FBXL7: variants seen among roughly 807,000 people sequenced by gnomAD.
FBXL7 encodes the protein F-box and leucine rich repeat protein 7.
In FBXL7, 12 loss-of-function variants were observed where a neutral mutation model predicts 38.3. The observed-to-expected ratio is 0.31, with a 90% confidence interval of 0.20 to 0.51. FBXL7 has a LOEUF of 0.51. FBXL7 is among the 20% of genes least tolerant of loss of function. FBXL7 has a pLI of 0.98. For synonymous variants in FBXL7, 297 were observed against 300.9 expected, an observed-to-expected ratio of 0.99 and a Z score of 0.13; for missense variants, 567 against 676.4, an observed-to-expected ratio of 0.84 and a Z score of 1.79.
At chr5:15,805,207 G>A (rs187489367) in intron 2 of FBXL7, among the ~76,000 whole-genome samples, 15 of 152,280 alleles carry the variant, frequency 9.9e-5, no homozygotes, top group Non-Finnish European at 2.2e-4. Flanking sequence ...ACATTCTGAG[G>A]TACTGGAAGT....
At chr5:15,798,379 T>C (rs1289461765) in intron 2 of FBXL7, among the ~76,000 whole-genome samples, 2 of 152,236 alleles carry the variant, frequency 1.3e-5, no homozygotes, top group Non-Finnish European at 2.9e-5. Context: ...GTTTCCCCTT[T>C]TCTTTGGATT....
intron 2 of FBXL7, among the ~76,000 whole-genome samples, chr5:15,813,969 A>G (rs929631070): frequency 9.7e-4 from 148 of 152,322 alleles, no homozygotes; most frequent in African/African-American, 3.3e-3. Flanking sequence ...ATGCTTTTAC[A>G]CTGTTGGTGG....
chr5:15,616,111 C>T, intron 2 of FBXL7, 39 bp downstream of exon 2: 2 of 1,422,852 alleles, frequency 1.4e-6, no homozygotes, highest in African/African-American at 1.4e-5. Flanking sequence ...TTCTTCTTCA[C>T]AGGGCTGGCT....
chr5:15,804,018 C>T (rs2126744701), intron 2 of FBXL7, among the ~76,000 whole-genome samples: 1 of 152,296 alleles, frequency 6.6e-6, no homozygotes. Flanking sequence ...CCCGACATCA[C>T]AGGATTCTTA....
chr5:15,853,758 G>A (rs1172289798), intron 2 of FBXL7, among the ~76,000 whole-genome samples: 1 of 152,156 alleles, frequency 6.6e-6, no homozygotes, highest in East Asian at 1.9e-4. Flanking sequence ...AAGGCTATGG[G>A]CAAGGGTAAG....
intron 2 of FBXL7, among the ~76,000 whole-genome samples, chr5:15,782,047 G>A (rs574104430): frequency 7.0e-4 from 106 of 152,026 alleles, no homozygotes; most frequent in African/African-American, 2.3e-3. Context: ...TGTTCTCTTT[G>A]TTAAACTCCC....
chr5:15,846,615 A>G (rs368500979), intron 2 of FBXL7, among the ~76,000 whole-genome samples: 4 of 152,340 alleles, frequency 2.6e-5, no homozygotes, highest in African/African-American at 7.2e-5. Flanking sequence ...TCTTGTTGCA[A>G]AGTCCCTAGT....
chr5:15,602,918 C>T (rs1034262966), intron 1 of FBXL7, among the ~76,000 whole-genome samples: 7 of 152,130 alleles, frequency 4.6e-5, no homozygotes, highest in Admixed American at 2.0e-4. Context: ...ACTGCAGCCT[C>T]GAACACTGGG....
rs189674539 is a variant in FBXL7, at chr5:15,760,146, A to G, written c.127+144074A>G. ...AAAGCAGGTTTGAGGCATTGCTGGG[A>G]GAAGCCTCCAGCCCCCTATTGGGGT... On this transcript the variant is annotated intron_variant, in intron 2 of 3. Coordinates refer to ENST00000504595, the MANE Select transcript of FBXL7 (RefSeq NM_012304.5). Among the ~76,000 whole-genome samples the G allele has an allele frequency of 2.3e-3, 355 of 152,202 alleles. 3 individuals carry two copies. Among genetic ancestry groups the G allele is most frequent in the African/African-American group, 8.1e-3 (338 of 41,538 alleles).
At chr5:15,666,196 T>C (rs1742270746) in intron 2 of FBXL7, among the ~76,000 whole-genome samples, 1 of 152,176 alleles carries the variant, frequency 6.6e-6, no homozygotes, top group East Asian at 1.9e-4. Context: ...TTATTATTAT[T>C]TTTGGTTGTA....
At chr5:15,838,287 T>G (rs1738643605) in intron 2 of FBXL7, among the ~76,000 whole-genome samples, 1 of 152,168 alleles carries the variant, frequency 6.6e-6, no homozygotes, top group African/African-American at 2.4e-5. Flanking sequence ...AACCCTAGAT[T>G]GAAGCGTTGG....
intron 2 of FBXL7, among the ~76,000 whole-genome samples, chr5:15,878,595 A>G (rs1239202987): frequency 1.3e-5 from 2 of 152,222 alleles, no homozygotes; most frequent in South Asian, 2.1e-4. Flanking sequence ...ATGTTTGGAC[A>G]CATGTATTTC....
At chr5:15,631,336 TGAAATGA>T (rs1287160970) in intron 2 of FBXL7, among the ~76,000 whole-genome samples, 3 of 152,322 alleles carry the variant, frequency 2.0e-5, no homozygotes, top group African/African-American at 7.2e-5. Flanking sequence ...AGGATAGTTT[TGAAATGA>T]GAAATGAGAG....
chr5:15,751,926 A>G (rs1736165294), intron 2 of FBXL7, among the ~76,000 whole-genome samples: 1 of 152,224 alleles, frequency 6.6e-6, no homozygotes, highest in South Asian at 2.1e-4. Context: ...GTCAGTATGA[A>G]TAAGGGAGAC....
At chr5:15,780,288 T>C (rs1736959934) in intron 2 of FBXL7, among the ~76,000 whole-genome samples, 1 of 152,106 alleles carries the variant, frequency 6.6e-6, no homozygotes, top group Non-Finnish European at 1.5e-5. Flanking sequence ...GAAACCATAT[T>C]TGTGTTACTG....
intron 1 of FBXL7, among the ~76,000 whole-genome samples, chr5:15,546,657 T>C (rs1398668565): frequency 6.6e-6 from 1 of 152,058 alleles, no homozygotes; most frequent in South Asian, 2.1e-4. Flanking sequence ...CTTGAACCTA[T>C]GAGGTGGAAG....
intron 1 of FBXL7, among the ~76,000 whole-genome samples, chr5:15,586,131 C>T (rs1739294555): frequency 6.6e-6 from 1 of 152,122 alleles, no homozygotes; most frequent in Non-Finnish European, 1.5e-5. Flanking sequence ...GTTTGCTCTA[C>T]ACAGAATCTG....
Position 15,500,581 on chromosome 5 carries a change from C to T in FBXL7, c.-96C>T, listed in dbSNP as rs1580339235. On this transcript the variant is annotated 5_prime_UTR_variant, in exon 1 of 4. In the 5' UTR this introduces an upstream ATG that the reference lacks. Transcript: ENST00000504595. ...GAGCTTGGGGGGGATGTGCAGCTAA[C>T]GGTCCCGTCGGGCGGGCTTTCCTCG... 11 of 1,551,230 alleles carry T rather than the reference C, an allele frequency of 7.1e-6. No individual in the cohort carries two copies. In the East Asian group the frequency reaches 2.2e-4, roughly 32 times the overall value.
At chr5:15,627,414 G>A (rs1019855862) in intron 2 of FBXL7, among the ~76,000 whole-genome samples, 3 of 152,168 alleles carry the variant, frequency 2.0e-5, no homozygotes, top group Non-Finnish European at 4.4e-5. Context: ...ATGTGTTAGG[G>A]TGTGAAGAGC....
Sources: gnomAD v4.1 joint callset for allele counts (sites outside exome capture counted in the v4.1 genomes callset) on GRCh38, gnomAD v4.1.1 for gene constraint, MANE v1.5 for transcripts, NCBI Gene and HGNC (gene_info 2026-07-23, HGNC 2026-07-21) for gene names.